MUSK: variants seen among roughly 807,000 people sequenced by gnomAD.
MUSK encodes muscle, skeletal receptor tyrosine-protein kinase.
In MUSK, 55 loss-of-function variants were observed where a neutral mutation model predicts 88.7. The ratio of observed to expected loss-of-function variants is 0.62; its 90% confidence interval spans 0.50 to 0.78. The LOEUF (loss-of-function observed/expected upper bound fraction) is 0.78. MUSK is among the 30% of genes least tolerant of loss of function. MUSK has a pLI of 0.00. For synonymous variants in MUSK, 387 were observed against 391.9 expected (o/e 0.99, Z 0.15); for missense variants, 1,015 against 1,074.3 (o/e 0.94, Z 0.77).
At chr9:110,694,044 T>C (rs747538315) in intron 3 of MUSK, among the ~76,000 whole-genome samples, 2 of 151,964 alleles carry the variant, frequency 1.3e-5, no homozygotes, top group Non-Finnish European at 2.9e-5. Context: ...GTATTTTTGC[T>C]ATAACACAGG....
At chr9:110,689,415 TATATA>T (rs1372655757) in intron 3 of MUSK, among the ~76,000 whole-genome samples, 22 of 111,930 alleles carry the variant, frequency 2.0e-4, no homozygotes, top group South Asian at 2.6e-4. Context: ...TACATATTTA[TATATA>T]ATATATGTAA....
At chr9:110,690,907 C>T (rs576531057) in intron 3 of MUSK, among the ~76,000 whole-genome samples, 1 of 145,690 alleles carries the variant, frequency 6.9e-6, no homozygotes, top group Non-Finnish European at 1.5e-5. Flanking sequence ...GAGTCTCGCT[C>T]AGGCTGGAGT....
chr9:110,800,039 C>A lies in MUSK; in HGVS notation c.1928-267C>A, dbSNP rs146632483. On this transcript the variant is annotated intron_variant, in intron 14 of 14. Transcript: ENST00000374448. ...TGCACCATGTACGATGTACTTATGA[C>A]AAGTGCCCAGGACAACAGCGCTCTG... Among the ~76,000 whole-genome samples, 1,882 of 152,234 alleles carry A rather than the reference C, an allele frequency of 0.012. 19 individuals are homozygous for A. Among genetic ancestry groups the A allele is most frequent in the South Asian group, 0.036 (174 of 4,820 alleles).
intron 1 of MUSK, among the ~76,000 whole-genome samples, chr9:110,673,650 A>C (rs2075989196): frequency 6.6e-6 from 1 of 152,118 alleles, no homozygotes; most frequent in African/African-American, 2.4e-5. Context: ...ACTGATCTCA[A>C]CAGTTCATGT....
chr9:110,690,516 A>G (rs1468631392), intron 3 of MUSK, among the ~76,000 whole-genome samples: 6 of 42,372 alleles, frequency 1.4e-4, no homozygotes, highest in Non-Finnish European at 2.7e-4. Flanking sequence ...ATATAAATAT[A>G]TATTTAAATA....
chr9:110,684,464 T>C (rs904791589), intron 2 of MUSK, among the ~76,000 whole-genome samples: 3 of 151,648 alleles, frequency 2.0e-5, no homozygotes, highest in Non-Finnish European at 4.4e-5. Context: ...ATTCTGGGCC[T>C]TTCGTGGTTT....
intron 1 of MUSK, among the ~76,000 whole-genome samples, chr9:110,679,564 T>C (rs2076080782): frequency 6.6e-6 from 1 of 152,106 alleles, no homozygotes; most frequent in African/African-American, 2.4e-5. Flanking sequence ...TTTGGACTTG[T>C]TTCTTCCATA....
rs1445068406 is a variant in MUSK at position 110,805,832 on chromosome 9, AT to A, written c.*4845del. Among the ~76,000 whole-genome samples the A allele has an allele frequency of 4.6e-5, 2 of 43,256 alleles. No individual in the cohort carries two copies. The highest frequency in any genetic ancestry group is 9.0e-5 in the Non-Finnish European group (2 of 22,344). The allele number at this position is 43,256 out of a possible 152,430, so 28.4% of individuals were successfully genotyped here. A position where few individuals can be genotyped will look rare whatever the true frequency, so the allele number is the denominator to read the frequency against. On this transcript the variant is annotated 3_prime_UTR_variant, in exon 15 of 15. Coordinates refer to ENST00000374448, the MANE Select transcript of MUSK (RefSeq NM_005592.4). ...ACCAAATTAATTTACATATATTTGCATCAATATTAAGTTCATAAAATTAAAA... is the reference window on the plus strand; with the variant it reads ...ACCAAATTAATTTACATATATTTGCACAATATTAAGTTCATAAAATTAAAA...
intron 7 of MUSK, among the ~76,000 whole-genome samples, chr9:110,750,647 T>C (rs1463351561): frequency 6.6e-6 from 1 of 152,118 alleles, no homozygotes; most frequent in Non-Finnish European, 1.5e-5. Context: ...TGAAGCAACT[T>C]CTAGATCACT....
intron 11 of MUSK, among the ~76,000 whole-genome samples, chr9:110,778,939 T>G (rs577181147): frequency 6.6e-6 from 1 of 152,230 alleles, no homozygotes; most frequent in African/African-American, 2.4e-5. Context: ...CCCAGGCCAC[T>G]TGATGATTTG....
intron 1 of MUSK, among the ~76,000 whole-genome samples, chr9:110,680,383 C>CTTTTTTTTTT (rs11461650): frequency 3.5e-5 from 5 of 141,604 alleles, no homozygotes; most frequent in African/African-American, 5.2e-5. Context: ...TTCTTTTTTT[C>CTTTTTTTTTT]TTTTTTTTTT....
chr9:110,729,734 T>C (rs1277672430), intron 5 of MUSK, among the ~76,000 whole-genome samples: 2 of 151,988 alleles, frequency 1.3e-5, no homozygotes, highest in Non-Finnish European at 2.9e-5. Flanking sequence ...ATAAAATCCA[T>C]GGGAGCTCCT....
chr9:110,749,412 A>G lies in MUSK; in HGVS notation c.913+1612A>G, dbSNP rs143790574. On this transcript the variant is annotated intron_variant, in intron 7 of 14. Coordinates refer to ENST00000374448, the MANE Select transcript of MUSK (RefSeq NM_005592.4). Reference sequence around the variant, plus strand: ...ACTAGGTTGAAGTCAAACCTTTCAAACCTGTTCAAAAAACAGCAAATCAGT... The same window carrying G: ...ACTAGGTTGAAGTCAAACCTTTCAAGCCTGTTCAAAAAACAGCAAATCAGT... Among the ~76,000 whole-genome samples, 3 of 152,316 alleles carry G rather than the reference A, an allele frequency of 2.0e-5. 1 individual carries two copies. Among genetic ancestry groups the G allele is most frequent in the African/African-American group, 7.2e-5 (3 of 41,578 alleles).
rs561276296 is a variant in MUSK, at chr9:110,719,085, A to G, written c.629-15166A>G. On this transcript the variant is annotated intron_variant, in intron 5 of 14. Coordinates refer to ENST00000374448, the MANE Select transcript of MUSK (RefSeq NM_005592.4). ...TCTCAAATGAACTCTAAATCTTGAA[A>G]CAGATTCTGGAAATACACCAAAATA... is the stretch of plus-strand genomic sequence containing the variant. 2.6e-5 allele frequency among the ~76,000 whole-genome samples: 4 copies of G among 152,226 alleles called. No individual in the cohort carries two copies. In the East Asian group the frequency reaches 7.7e-4, roughly 29 times the overall value.
chr9:110,777,038 A>G (rs2077682959), intron 11 of MUSK, among the ~76,000 whole-genome samples: 1 of 152,152 alleles, frequency 6.6e-6, no homozygotes, highest in Non-Finnish European at 1.5e-5. Flanking sequence ...TCATTGAGCC[A>G]ATTCATGATC....
chr9:110,773,653 A>G (rs1205314611), intron 9 of MUSK, among the ~76,000 whole-genome samples: 2 of 152,082 alleles, frequency 1.3e-5, no homozygotes, highest in African/African-American at 2.4e-5. Context: ...ATGTAAAAAA[A>G]AATTCTGTCA....
intron 14 of MUSK, among the ~76,000 whole-genome samples, chr9:110,797,967 T>A (rs889154229): frequency 6.6e-6 from 1 of 152,230 alleles, no homozygotes; most frequent in East Asian, 1.9e-4. Context: ...AGTAGCATGC[T>A]TATACATCAC....
chr9:110,787,613 T>C (rs905119470), intron 13 of MUSK, 77 bp from the exon 14 acceptor site: 46 of 1,421,464 alleles, frequency 3.2e-5, no homozygotes, highest in Admixed American at 1.0e-4. Flanking sequence ...GGTGGGAGGA[T>C]ATGTATAAAT....
chr9:110,744,540 C>T (rs7868619), intron 6 of MUSK, among the ~76,000 whole-genome samples: 6,123 of 152,146 alleles, frequency 0.04, 459 homozygotes, highest in African/African-American at 0.14. Flanking sequence ...AATTATTATG[C>T]CTATTTAATA....
Sources: gnomAD v4.1 joint callset for allele counts (sites outside exome capture counted in the v4.1 genomes callset) on GRCh38, gnomAD v4.1.1 for gene constraint, MANE v1.5 for transcripts, NCBI Gene and HGNC (gene_info 2026-07-23, HGNC 2026-07-21) for gene names.